The following KIRREL1 variants were observed in gnomAD, a reference collection of about 807,000 sequenced individuals.
The protein encoded by KIRREL1 is kirre like nephrin family adhesion molecule 1, also known as kin of IRRE-like protein 1.
In KIRREL1, 25 loss-of-function variants were observed where a neutral mutation model predicts 83.3. That is an observed-to-expected ratio of 0.30 (90% confidence interval 0.22 to 0.42). The LOEUF (loss-of-function observed/expected upper bound fraction) is 0.42. KIRREL1 is among the 10% of genes least tolerant of loss of function. KIRREL1 has a pLI of 1.00. For synonymous variants in KIRREL1, 388 were observed against 410.4 expected (o/e 0.95, Z 0.66); for missense variants, 812 against 1,032.3 (o/e 0.79, Z 2.92).
chr1:158,041,391 G>A (rs183623149), intron 1 of KIRREL1, among the ~76,000 whole-genome samples: 1 of 152,310 alleles, frequency 6.6e-6, no homozygotes, highest in Non-Finnish European at 1.5e-5. Flanking sequence ...CAATTCAGGA[G>A]GGGAATCATT....
intron 1 of KIRREL1, among the ~76,000 whole-genome samples, chr1:158,042,753 C>A (rs941695290): frequency 2.0e-5 from 3 of 152,030 alleles, no homozygotes; most frequent in Admixed American, 2.0e-4. Flanking sequence ...GCTGCACCCT[C>A]TGTGATGTTA....
chr1:158,059,320 A>G (rs1198553882), intron 1 of KIRREL1, among the ~76,000 whole-genome samples: 3 of 152,018 alleles, frequency 2.0e-5, no homozygotes, highest in East Asian at 1.9e-4. Flanking sequence ...CAGCCCTCAA[A>G]CCCACGTTCA....
chr1:158,087,936 G>A (rs1662065716), intron 6 of KIRREL1, 70 bp from the exon 7 acceptor site: 1 of 1,608,692 alleles, frequency 6.2e-7, no homozygotes, highest in Non-Finnish European at 8.5e-7. Flanking sequence ...TACTGGGGAG[G>A]CCAGGTGTCA....
At chr1:158,075,371 G>A (rs1244485445) in intron 1 of KIRREL1, among the ~76,000 whole-genome samples, 3 of 152,244 alleles carry the variant, frequency 2.0e-5, no homozygotes, top group Non-Finnish European at 4.4e-5. Context: ...CACAGTGAAG[G>A]AGGCGGGGTG....
At chr1:158,092,897 T>C (rs1216445068) in intron 11 of KIRREL1, among the ~76,000 whole-genome samples, 7 of 152,290 alleles carry the variant, frequency 4.6e-5, no homozygotes, top group Non-Finnish European at 4.4e-5. Context: ...TAGGTGAACA[T>C]TCGGCAGTCA....
In KIRREL1 at chr1:158,100,170, A is replaced by G. The variant is rs186772420; in HGVS notation, c.*5050A>G. ...TCTACTTTTTTTTCCTTTTTTTAAAAATATTATGTACTATATTTTTAGTCT... is the reference window on the plus strand; with the variant it reads ...TCTACTTTTTTTTCCTTTTTTTAAAGATATTATGTACTATATTTTTAGTCT... On this transcript the variant is annotated 3_prime_UTR_variant, in exon 15 of 15. Transcript: ENST00000359209. 1 of 150,508 alleles carries G rather than the reference A, an allele frequency of 6.6e-6. No individual in the cohort carries two copies. The highest frequency in any genetic ancestry group is 2.4e-5 in the African/African-American group (1 of 41,258). The allele number at this position is 150,508 out of a possible 1,614,324, so 9.3% of individuals were successfully genotyped here. A position where few individuals can be genotyped will look rare whatever the true frequency, so the allele number is the denominator to read the frequency against.
At chr1:158,029,337 C>CTGTGTGTGTGTGTGTGTGTGTG (rs60980289) in intron 1 of KIRREL1, among the ~76,000 whole-genome samples, 120 of 69,308 alleles carry the variant, frequency 1.7e-3, no homozygotes, top group Admixed American at 2.8e-3. Flanking sequence ...TAACAAAAAC[C>CTGTGTGTGTGTGTGTGTGTGTG]TGTGTGTGTG....
intron 1 of KIRREL1, among the ~76,000 whole-genome samples, chr1:158,014,824 T>G (rs1347133536): frequency 6.6e-6 from 1 of 152,128 alleles, no homozygotes; most frequent in Non-Finnish European, 1.5e-5. Context: ...CTGTGTTAAC[T>G]GCGGCCCTCT....
rs141896863 is a variant in KIRREL1, at chr1:158,041,478, C to A, written c.53-34635C>A. ...ATTAAGGGAGAGGAAGGGATCCAGG[C>A]TCATAACAGTCCCTCTGAAGGTGCT... On this transcript the variant is annotated intron_variant, in intron 1 of 14. Transcript: ENST00000359209. Among the ~76,000 whole-genome samples the A allele has an allele frequency of 4.7e-3, 715 of 152,126 alleles. 5 individuals are homozygous for A. The highest frequency in any genetic ancestry group is 0.017 in the African/African-American group (691 of 41,504).
intron 1 of KIRREL1, among the ~76,000 whole-genome samples, chr1:158,029,021 T>A (rs1185001554): frequency 6.6e-6 from 1 of 152,194 alleles, no homozygotes; most frequent in Non-Finnish European, 1.5e-5. Flanking sequence ...CATAATTGCG[T>A]CTGGCTCAGT....
At chr1:158,070,161 G>A (rs2101617532) in intron 1 of KIRREL1, among the ~76,000 whole-genome samples, 1 of 152,326 alleles carries the variant, frequency 6.6e-6, no homozygotes, top group East Asian at 1.9e-4. Context: ...TAAGATGGGA[G>A]TGTAAGCTGT....
intron 11 of KIRREL1, among the ~76,000 whole-genome samples, chr1:158,092,251 A>AT (rs1051611071): frequency 1.5e-4 from 23 of 151,578 alleles, no homozygotes; most frequent in African/African-American, 4.8e-4. Context: ...AAAAGATAGC[A>AT]TTTTTTTGTT....
Position 158,094,576 on chromosome 1 carries a change from C to A in KIRREL1, c.1798-68C>A. Reference sequence around the variant, plus strand: ...GAGCTGGAGGAAGAGGCCCAGAAAGCCATGGTGAGACTTGATCCCCACCCA... The same window carrying A: ...GAGCTGGAGGAAGAGGCCCAGAAAGACATGGTGAGACTTGATCCCCACCCA... On this transcript the variant is annotated intron_variant, in intron 14 of 14. Coordinates refer to ENST00000359209, the MANE Select transcript of KIRREL1 (RefSeq NM_018240.7). This position sits in a 1 kb window ranked among gnomAD's most constrained non-coding sequence, Gnocchi z 4.6. 7.3e-7 allele frequency: 1 copy of A among 1,377,410 alleles called. No homozygotes were observed. Among genetic ancestry groups the A allele is most frequent in the Non-Finnish European group, 1.0e-6 (1 of 985,846 alleles). 85.3% of individuals were successfully genotyped at this position (1,377,410 alleles called of 1,614,324 possible). A position where few individuals can be genotyped will look rare whatever the true frequency, so the allele number is the denominator to read the frequency against.
At chr1:158,015,237 G>A (rs1659798412) in intron 1 of KIRREL1, among the ~76,000 whole-genome samples, 1 of 152,198 alleles carries the variant, frequency 6.6e-6, no homozygotes, top group Non-Finnish European at 1.5e-5. Context: ...AGAGAGGGCT[G>A]TGATGTCCTT....
At chr1:158,050,689 A>G (rs11264885) in intron 1 of KIRREL1, among the ~76,000 whole-genome samples, 39,340 of 151,868 alleles carry the variant, frequency 0.26, 5,263 homozygotes, top group South Asian at 0.38. Context: ...GCACCTGATT[A>G]GAAGTCCAGA....
At position 158,084,620 on chromosome 1, in the gene KIRREL1, C is replaced by T. The variant is rs762707923; in HGVS notation, c.510+41C>T. On this transcript the variant is annotated intron_variant, in intron 4 of 14. Transcript: ENST00000359209. The stretch of plus-strand genomic sequence containing the variant: ...CTCCCCCAGCTCCTCCTGGGCCTAG[C>T]CCAGCTCACCTCTCCTTTCCCACAG... 9 of 1,541,140 alleles carry T rather than the reference C, an allele frequency of 5.8e-6. No individual in the cohort carries two copies. In the South Asian group the frequency reaches 1.1e-4, roughly 19 times the overall value.
chr1:158,084,516 G>A lies in KIRREL1; in HGVS notation c.447G>A (p.Lys149=), dbSNP rs1343213291. Residue 149 remains lysine, a synonymous_variant, in exon 4 of 15, where the codon AAG becomes AAA. Coordinates refer to ENST00000359209, the MANE Select transcript of KIRREL1 (RefSeq NM_018240.7). ...TCACATGCCGGGCCTTCAATGCGAA[G>A]CCTGCTGCCACCATCATCTGGTTCC... ...HNLTCRAFNA[K]PAATIIWFRD... 3 of 1,551,684 alleles carry A rather than the reference G, an allele frequency of 1.9e-6. No individual in the cohort carries two copies. Among genetic ancestry groups the A allele is most frequent in the East Asian group, 2.4e-5 (1 of 40,932 alleles).
intron 5 of KIRREL1, among the ~76,000 whole-genome samples, chr1:158,087,298 G>A (rs983174948): frequency 4.6e-4 from 70 of 152,050 alleles, no homozygotes; most frequent in African/African-American, 1.7e-3. Context: ...TTCAAATAAG[G>A]GATTGTGGAC....
At chr1:158,057,641 G>A (rs530939390) in intron 1 of KIRREL1, among the ~76,000 whole-genome samples, 89 of 152,120 alleles carry the variant, frequency 5.9e-4, no homozygotes, top group African/African-American at 2.0e-3. Flanking sequence ...TTTTGGGGTC[G>A]CCCCAGGTTT....
Sources: allele counts gnomAD v4.1 joint callset (sites outside exome capture counted in the v4.1 genomes callset), GRCh38; gene constraint gnomAD v4.1.1; non-coding constraint Gnocchi (gnomAD v3.1); transcripts MANE v1.5; gene names NCBI Gene and HGNC (gene_info 2026-07-23, HGNC 2026-07-21).